The following ANKS1A variants were observed in gnomAD, a reference collection of about 807,000 sequenced individuals.
The protein encoded by ANKS1A is ankyrin repeat and SAM domain-containing protein 1A.
ANKS1A carries 55 observed loss-of-function variants against 120.3 expected under a neutral mutation model. The ratio of observed to expected loss-of-function variants is 0.46; its 90% CI spans 0.37 to 0.57. The LOEUF is 0.57. Ranked by LOEUF, ANKS1A falls within the 20% of genes least tolerant of loss-of-function variation. The probability of loss-of-function intolerance (pLI) is 0.00; values close to 1 mark genes in which losing one functional copy is unlikely to be tolerated. For synonymous variants in ANKS1A, 590 were observed against 604.7 expected (o/e 0.98, Z 0.36); for missense variants, 1,123 against 1,480.3 (o/e 0.76, Z 3.96).
At chr6:34,943,927 C>A (rs1769653360) in intron 1 of ANKS1A, among the ~76,000 whole-genome samples, 1 of 152,160 alleles carries the variant, frequency 6.6e-6, no homozygotes, top group Non-Finnish European at 1.5e-5. Context: ...ATTACTGAAT[C>A]ATATGGTAAG....
At chr6:35,021,853 GA>G (rs2127561862) in intron 11 of ANKS1A, among the ~76,000 whole-genome samples, 1 of 152,270 alleles carries the variant, frequency 6.6e-6, no homozygotes, top group Admixed American at 6.5e-5. Context: ...GGGTATGGTA[GA>G]ATGTGTCAGT....
chr6:34,954,274 A>G (rs1770234713), intron 1 of ANKS1A, among the ~76,000 whole-genome samples: 1 of 152,214 alleles, frequency 6.6e-6, no homozygotes, highest in East Asian at 1.9e-4. Context: ...GCAATAACTT[A>G]AAATAATAAT....
intron 11 of ANKS1A, among the ~76,000 whole-genome samples, chr6:35,019,581 T>G (rs529323947): frequency 2.0e-5 from 3 of 152,302 alleles, no homozygotes; most frequent in East Asian, 3.9e-4. Flanking sequence ...GCCTGGCCAC[T>G]TGTGGAAAGT....
chr6:35,090,552 G>A lies in ANKS1A; in HGVS notation c.*1943G>A, dbSNP rs1389478949. The A allele has an allele frequency of 1.9e-6, 2 of 1,031,652 alleles. No individual in the cohort carries two copies. The highest frequency in any genetic ancestry group is 2.3e-6 in the Non-Finnish European group (2 of 858,104). The allele number at this position is 1,031,652 out of a possible 1,614,324, so 63.9% of individuals were successfully genotyped here. A position where few individuals can be genotyped will look rare whatever the true frequency, so the allele number is the denominator to read the frequency against. On this transcript the variant is annotated 3_prime_UTR_variant, in exon 24 of 24. Transcript: ENST00000360359. ...GGGTATTTTCATATTGGAAGCCTTG[G>A]CTAGTCTGCTCTAGCTCTGGGTTCT...
At chr6:35,081,321 C>T (rs889093058) in intron 17 of ANKS1A, among the ~76,000 whole-genome samples, 163 bp downstream of exon 17, 3 of 152,212 alleles carry the variant, frequency 2.0e-5, no homozygotes, top group Admixed American at 6.5e-5. Context: ...AGCCGCCTTG[C>T]GTAAGGCCCA....
chr6:34,891,000 G>A (rs1373107791), intron 1 of ANKS1A, among the ~76,000 whole-genome samples: 5 of 152,332 alleles, frequency 3.3e-5, no homozygotes, highest in African/African-American at 9.6e-5. Flanking sequence ...AGAAATAAAA[G>A]TATCAGTTGC....
intron 1 of ANKS1A, among the ~76,000 whole-genome samples, chr6:34,910,443 C>A (rs1177852622): frequency 1.3e-5 from 2 of 152,128 alleles, no homozygotes; most frequent in African/African-American, 4.8e-5. Flanking sequence ...TCCCTGCAGT[C>A]CCAGCTACTC....
chr6:35,067,598 A>C (rs967497228), intron 13 of ANKS1A, among the ~76,000 whole-genome samples: 22 of 152,174 alleles, frequency 1.4e-4, no homozygotes, highest in African/African-American at 2.4e-5. Context: ...ATTCACATGC[A>C]GTAGATGGGC....
chr6:35,080,867 C>T lies in ANKS1A; in HGVS notation c.2545-127C>T, dbSNP rs1294951849. The T allele has an allele frequency of 2.9e-5, 34 of 1,182,062 alleles. No individual in the cohort carries two copies. In the East Asian group the frequency reaches 5.0e-4, roughly 17 times the overall value. The allele number at this position is 1,182,062 out of a possible 1,614,324, so 73.2% of individuals were successfully genotyped here. On this transcript the variant is annotated intron_variant, in intron 16 of 23. Coordinates refer to ENST00000360359, the MANE Select transcript of ANKS1A (RefSeq NM_015245.3). ...GTCTGACACCCCTGTGGTGTTGGCCCCTTCGCTCCCTGCTGCTTCTCCCGG... is the reference window on the plus strand; with the variant it reads ...GTCTGACACCCCTGTGGTGTTGGCCTCTTCGCTCCCTGCTGCTTCTCCCGG...
intron 8 of ANKS1A, among the ~76,000 whole-genome samples, chr6:34,988,224 C>G (rs1163887584): frequency 6.6e-6 from 1 of 152,212 alleles, no homozygotes; most frequent in East Asian, 1.9e-4. Flanking sequence ...GCTACTTTTG[C>G]ATTATAATGG....
chr6:35,038,286 A>C (rs1436119207), intron 11 of ANKS1A: 2 of 456,516 alleles, frequency 4.4e-6, no homozygotes, highest in African/African-American at 4.0e-5. Flanking sequence ...CATTGTTTGC[A>C]TGCCACAGTG....
At chr6:34,912,685 C>T (rs954951252) in intron 1 of ANKS1A, among the ~76,000 whole-genome samples, 1 of 152,048 alleles carries the variant, frequency 6.6e-6, no homozygotes, top group Non-Finnish European at 1.5e-5. Context: ...ACCACAAAGT[C>T]GATTGGGGTT....
chr6:35,002,798 G>T (rs575812448), intron 10 of ANKS1A, among the ~76,000 whole-genome samples: 1 of 151,888 alleles, frequency 6.6e-6, no homozygotes, highest in East Asian at 1.9e-4. Context: ...AAAAAAGAAA[G>T]AATTCACTCA....
chr6:35,076,667 C>T (rs573581707), intron 13 of ANKS1A, among the ~76,000 whole-genome samples: 2 of 152,288 alleles, frequency 1.3e-5, no homozygotes, highest in Non-Finnish European at 1.5e-5. Flanking sequence ...CTTACCCTGT[C>T]GCCCAGGCTA....
intron 10 of ANKS1A, among the ~76,000 whole-genome samples, chr6:35,006,717 T>C (rs958185486): frequency 2.6e-5 from 4 of 152,146 alleles, no homozygotes; most frequent in Non-Finnish European, 5.9e-5. Flanking sequence ...ATCGCACCAC[T>C]GCACTCCAGC....
intron 1 of ANKS1A, among the ~76,000 whole-genome samples, chr6:34,911,517 T>C (rs1767906796): frequency 6.6e-6 from 1 of 152,188 alleles, no homozygotes. Flanking sequence ...TCAATCACAC[T>C]GAGAGTCCTG....
intron 1 of ANKS1A, among the ~76,000 whole-genome samples, chr6:34,935,889 C>T (rs540449120): frequency 2.6e-5 from 4 of 151,162 alleles, no homozygotes; most frequent in East Asian, 2.0e-4. Flanking sequence ...GGTGAAACCC[C>T]GTCTCTACTA....
intron 13 of ANKS1A, among the ~76,000 whole-genome samples, chr6:35,068,612 C>T (rs1258712270): frequency 6.6e-6 from 1 of 152,238 alleles, no homozygotes; most frequent in Non-Finnish European, 1.5e-5. Flanking sequence ...TACCCCCTCT[C>T]CCCTCTTAGG....
chr6:35,005,734 A>G (rs576324202), intron 10 of ANKS1A: 64 of 451,284 alleles, frequency 1.4e-4, no homozygotes, highest in African/African-American at 1.2e-3. Context: ...AAGAGGAAAA[A>G]ACCGCTACAT....
Sources: gnomAD v4.1 joint callset for allele counts (sites outside exome capture counted in the v4.1 genomes callset) on GRCh38, gnomAD v4.1.1 for gene constraint, MANE v1.5 for transcripts, NCBI Gene and HGNC (gene_info 2026-07-23, HGNC 2026-07-21) for gene names.